DSG1: variants seen among roughly 807,000 people sequenced by gnomAD.
The protein encoded by DSG1 is desmoglein-1.
In DSG1, 39 loss-of-function variants were observed where a neutral mutation model predicts 97.5. The observed-to-expected ratio is 0.40, with a 90% CI of 0.31 to 0.52. The LOEUF is 0.52. DSG1 is among the 20% of genes least tolerant of loss of function. DSG1 has a pLI of 0.53. For missense variants in DSG1, 1,311 were observed against 1,295.4 expected (o/e 1.01, Z -0.18); for synonymous variants, 475 against 443.4 (o/e 1.07, Z -0.90).
At chr18:31,330,073 G>A in intron 5 of DSG1, 37 bp downstream of exon 5, 1 of 1,610,404 alleles carries the variant, frequency 6.2e-7, no homozygotes, top group Admixed American at 1.7e-5. Context: ...ACTCCTAACA[G>A]CCAGGCACCT....
rs745829998 is a variant in DSG1 at position 31,355,234 on chromosome 18, G to A, written c.3038G>A (p.Gly1013Asp). ...AGCTTGGGAGGGACAGCCAGCATTG[G>A]CCACATGAGGAGTTCCTCTGACCAT... ...LSSLGGTASI[G>D]HMRSSSDHHF... Residue 1013 changes from glycine (G) to aspartate (D), a missense_variant, in exon 15 of 15, where the codon GGC (glycine) becomes GAC (aspartate). Transcript: ENST00000257192. The A allele has an allele frequency of 3.1e-6, 5 of 1,608,504 alleles. No homozygotes were observed. The highest frequency in any genetic ancestry group is 3.4e-6 in the Non-Finnish European group (4 of 1,176,270).
chr18:31,352,151 G>C (rs1172480033), intron 14 of DSG1, among the ~76,000 whole-genome samples: 2 of 151,948 alleles, frequency 1.3e-5, no homozygotes, highest in African/African-American at 2.4e-5. Flanking sequence ...AGGAGCTCTT[G>C]TAAGGCAGGC....
chr18:31,352,946 G>A (rs1361645870), intron 14 of DSG1, among the ~76,000 whole-genome samples: 245 of 141,634 alleles, frequency 1.7e-3, no homozygotes, highest in African/African-American at 6.3e-3. Flanking sequence ...TAATTTGATC[G>A]TCTGAAGCCT....
rs1201715456 is a variant in DSG1 at position 31,356,783 on chromosome 18, G to A, written c.*1437G>A. On this transcript the variant is annotated 3_prime_UTR_variant, in exon 15 of 15. Transcript: ENST00000257192. ...TTATAGGTAGTGTCCAAATTATATA[G>A]TATAACATATTTTTCTAGTTTCAAA... is the stretch of plus-strand genomic sequence containing the variant. 4 of 151,968 alleles carry A rather than the reference G, an allele frequency of 2.6e-5. No homozygotes were observed. In the East Asian group the frequency reaches 7.7e-4, roughly 29 times the overall value. The allele number at this position is 151,968 out of a possible 1,614,324, so 9.4% of individuals were successfully genotyped here.
intron 14 of DSG1, among the ~76,000 whole-genome samples, chr18:31,353,008 G>A (rs1354203540): frequency 0.049 from 5,845 of 118,548 alleles, no homozygotes; most frequent in African/African-American, 0.11. Context: ...TTCCGTTGCT[G>A]GTGAGGAACT....
Position 31,322,038 on chromosome 18 carries a change from T to C in DSG1, c.48+3690T>C, listed in dbSNP as rs115606031. ...AATTCCTTCAATAGACTTAGACAGA[T>C]CAAATTTTTTTAAATGCCATTGGCT... On this transcript the variant is annotated intron_variant, in intron 1 of 14. Transcript: ENST00000257192. 3.7e-3 allele frequency among the ~76,000 whole-genome samples: 568 copies of C among 152,320 alleles called. 5 individuals are homozygous for C. Among genetic ancestry groups the C allele is most frequent in the African/African-American group, 0.013 (521 of 41,578 alleles).
At chr18:31,334,885 G>T (rs2071742420) in intron 8 of DSG1, among the ~76,000 whole-genome samples, 1 of 152,160 alleles carries the variant, frequency 6.6e-6, no homozygotes, top group Non-Finnish European at 1.5e-5. Flanking sequence ...CTAGGGAGCT[G>T]ATAGTCAAAG....
rs1423113753 is a variant in DSG1 at position 31,343,937 on chromosome 18, T to C, written c.1833T>C (p.Thr611=). Residue 611 remains threonine, a synonymous_variant, in exon 13 of 15, where the codon ACT becomes ACC. Transcript: ENST00000257192. ...GPQPEPRDIT[T]VIPQIPPDNA... Reference sequence around the variant, plus strand: ...TTCCTGTCTTTTAGGATATAACCACTGTCATACCACAAATACCACCTGATA... The same window carrying C: ...TTCCTGTCTTTTAGGATATAACCACCGTCATACCACAAATACCACCTGATA... 4 of 1,612,430 alleles carry C rather than the reference T, an allele frequency of 2.5e-6. No individual in the cohort carries two copies. The African/African-American group carries it at 5.3e-5, about 22-fold the overall frequency.
rs185727631 is a variant in DSG1, at chr18:31,323,890, T to C, written c.49-2691T>C. On this transcript the variant is annotated intron_variant, in intron 1 of 14. Coordinates refer to ENST00000257192, the MANE Select transcript of DSG1 (RefSeq NM_001942.4). ...CCCATCTGTCTTTCCGTTTTCCTTT[T>C]CCTCTGACCTCCATTATAATGCATT... Among the ~76,000 whole-genome samples, 6 of 152,064 alleles carry C rather than the reference T, an allele frequency of 3.9e-5. No homozygotes were observed. The East Asian group carries it at 1.2e-3, about 29-fold the overall frequency.
rs1321324959 is a variant in DSG1 at position 31,356,389 on chromosome 18, A to G, written c.*1043A>G. On this transcript the variant is annotated 3_prime_UTR_variant, in exon 15 of 15. Coordinates refer to ENST00000257192, the MANE Select transcript of DSG1 (RefSeq NM_001942.4). The stretch of plus-strand genomic sequence containing the variant: ...AGGCCGAGCTGTGGACAAAAAAAAA[A>G]GAAGCAGCAGCTTGTAGTATGCTTA... 4 of 152,176 alleles carry G rather than the reference A, an allele frequency of 2.6e-5. No homozygotes were observed. Among genetic ancestry groups the G allele is most frequent in the African/African-American group, 4.8e-5 (2 of 41,454 alleles). The allele number at this position is 152,176 out of a possible 1,614,324, so 9.4% of individuals were successfully genotyped here.
chr18:31,319,638 CA>C (rs1311323906), intron 1 of DSG1, among the ~76,000 whole-genome samples: 1 of 152,114 alleles, frequency 6.6e-6, no homozygotes, highest in Non-Finnish European at 1.5e-5. Context: ...AGTAATCAAG[CA>C]CTTTTACTTA....
In DSG1 at chr18:31,355,322, T is replaced by C; in HGVS notation, c.3126T>C (p.Tyr1042=). The change falls in exon 15 of 15, where the codon TAT becomes TAC. Residue 1042 remains tyrosine (Y), a synonymous_variant. Transcript: ENST00000257192. ...PSTARSRITK[Y]STVQYSK is the part of the protein sequence containing the mutation. ...CAGCTCGAAGTCGAATCACAAAGTA[T>C]AGTACCGTGCAATATAGCAAGTAGT... 6.2e-7 allele frequency: 1 copy of C among 1,614,180 alleles called. No individual in the cohort carries two copies. Among genetic ancestry groups the C allele is most frequent in the Non-Finnish European group, 8.5e-7 (1 of 1,180,020 alleles).
Position 31,353,934 on chromosome 18 carries a change from C to T in DSG1, c.2101-363C>T, listed in dbSNP as rs571468172. ...AAATGCAGAAATCACCCGTCTTCTG[C>T]GTCGCTCACGCTGGGAGCTGTAGAC... On this transcript the variant is annotated intron_variant, in intron 14 of 14. Coordinates refer to ENST00000257192, the MANE Select transcript of DSG1 (RefSeq NM_001942.4). 49 of 282,832 alleles carry T rather than the reference C, an allele frequency of 1.7e-4. No homozygotes were observed. The Middle Eastern group carries it at 3.9e-3, about 22-fold the overall frequency. 17.5% of individuals were successfully genotyped at this position (282,832 alleles called of 1,614,324 possible). A position where few individuals can be genotyped will look rare whatever the true frequency, so the allele number is the denominator to read the frequency against.
rs538119215 is a variant in DSG1 at position 31,348,225 on chromosome 18, T to C, written c.2100+2027T>C. Among the ~76,000 whole-genome samples, 1,291 of 148,388 alleles carry C rather than the reference T, an allele frequency of 8.7e-3. 23 individuals are homozygous for C. Among genetic ancestry groups the C allele is most frequent in the African/African-American group, 0.031 (1,224 of 39,558 alleles). ...TGAGTGAGAATATGCGGTGTTTGGTTTTTTGTTCTTGTGATAGTTTACTGA... is the reference window on the plus strand; with the variant it reads ...TGAGTGAGAATATGCGGTGTTTGGTCTTTTGTTCTTGTGATAGTTTACTGA... On this transcript the variant is annotated intron_variant, in intron 14 of 14. Transcript: ENST00000257192.
chr18:31,328,141 G>A (rs753691947), intron 3 of DSG1, 48 bp from the exon 4 acceptor site: 19 of 1,603,544 alleles, frequency 1.2e-5, no homozygotes, highest in Middle Eastern at 1.7e-4. Flanking sequence ...ATCAAATATA[G>A]AACTCTATTT....
chr18:31,350,650 G>A (rs1302805559), intron 14 of DSG1, among the ~76,000 whole-genome samples: 7 of 146,946 alleles, frequency 4.8e-5, no homozygotes, highest in Non-Finnish European at 1.0e-4. Flanking sequence ...TTCAGCTCCT[G>A]TTATTGGTCT....
intron 1 of DSG1, among the ~76,000 whole-genome samples, chr18:31,323,568 T>A (rs982152801): frequency 6.6e-6 from 1 of 152,170 alleles, no homozygotes; most frequent in African/African-American, 2.4e-5. Context: ...CTGCTGAACA[T>A]CTCTTCTTTT....
intron 1 of DSG1, among the ~76,000 whole-genome samples, chr18:31,319,709 C>G (rs933522558): frequency 2.0e-5 from 3 of 152,134 alleles, no homozygotes; most frequent in Admixed American, 2.0e-4. Context: ...TCAGCTTGTT[C>G]AGATAGGTGT....
At chr18:31,343,657 C>T (rs1420134550) in intron 12 of DSG1, 74 bp downstream of exon 12, 18 of 1,597,318 alleles carry the variant, frequency 1.1e-5, no homozygotes, top group Admixed American at 8.4e-5. Context: ...CCAAGATGGC[C>T]GCCATCACTC....
Sources: allele counts gnomAD v4.1 joint callset (sites outside exome capture counted in the v4.1 genomes callset), GRCh38; gene constraint gnomAD v4.1.1; transcripts MANE v1.5; gene names NCBI Gene and HGNC (gene_info 2026-07-23, HGNC 2026-07-21).